Variants in REPS2 observed in about 807,000 individuals in gnomAD.
REPS2 encodes RALBP1 associated Eps domain containing 2, also known as ralBP1-associated Eps domain-containing protein 2.
REPS2 carries 23 observed loss-of-function variants against 53.6 expected under a neutral mutation model. The observed-to-expected ratio is 0.43, with a 90% CI of 0.31 to 0.61. The LOEUF is 0.61. Ranked by LOEUF, REPS2 falls within the 20% of genes least tolerant of loss-of-function variation. The probability of loss-of-function intolerance (pLI) is 0.11; values close to 1 mark genes in which losing one functional copy is unlikely to be tolerated. For synonymous variants in REPS2, 238 were observed against 218.6 expected (o/e 1.09, Z -0.78); for missense variants, 446 against 534.9 (o/e 0.83, Z 1.64).
chrX:17,142,019 T>C (rs2063453772), intron 17 of REPS2, among the ~76,000 whole-genome samples: 1 of 112,048 alleles, frequency 8.9e-6, no homozygotes, highest in African/African-American at 3.2e-5. Context: ...ATCAAGATGC[T>C]GATGCACAGG....
chrX:16,964,443 A>G (rs1326576225), intron 1 of REPS2, among the ~76,000 whole-genome samples: 1 of 108,116 alleles, frequency 9.2e-6, no homozygotes, highest in Non-Finnish European at 1.9e-5. Flanking sequence ...CCACACAGTC[A>G]CGGCAACCAT....
intron 5 of REPS2, among the ~76,000 whole-genome samples, chrX:17,031,895 T>C (rs765732080): frequency 6.2e-5 from 7 of 112,494 alleles, no homozygotes; most frequent in East Asian, 5.6e-4. Flanking sequence ...ATTAGTGTTG[T>C]TATCCCATTT....
the REPS2 span, among the ~76,000 whole-genome samples, chrX:17,187,618 C>T: frequency 8.9e-6 from 1 of 112,222 alleles, no homozygotes; most frequent in Non-Finnish European, 1.9e-5. Context: ...TGTCATTCTA[C>T]ATAGGATACG....
intron 1 of REPS2, among the ~76,000 whole-genome samples, chrX:16,976,853 A>G (rs757400927): frequency 3.0e-4 from 33 of 111,737 alleles, no homozygotes; most frequent in African/African-American, 1.0e-3. Context: ...CTAGGTGGTG[A>G]CCCACCTAGT....
At chrX:17,115,143 A>G (rs2148092371) in intron 14 of REPS2, among the ~76,000 whole-genome samples, 1 of 112,253 alleles carries the variant, frequency 8.9e-6, no homozygotes, top group African/African-American at 3.2e-5. Flanking sequence ...AGCGTTCAGC[A>G]TATGGAGGAT....
intron 8 of REPS2, among the ~76,000 whole-genome samples, chrX:17,059,577 C>T (rs957203234): frequency 1.9e-4 from 21 of 110,177 alleles, no homozygotes; most frequent in Admixed American, 4.8e-4. Flanking sequence ...AAGCAATTCT[C>T]CTGCCTCAGC....
At chrX:16,982,495 T>C (rs1225941905) in intron 1 of REPS2, among the ~76,000 whole-genome samples, 1 of 112,203 alleles carries the variant, frequency 8.9e-6, no homozygotes, top group Non-Finnish European at 1.9e-5. Flanking sequence ...TTTTTGTGCA[T>C]GTATTTGGTA....
intron 5 of REPS2, among the ~76,000 whole-genome samples, chrX:17,031,037 C>A (rs2061703199): frequency 8.9e-6 from 1 of 112,582 alleles, no homozygotes; most frequent in Non-Finnish European, 1.9e-5. Context: ...AGTTGGAAAA[C>A]ACATTTGTTT....
chrX:17,161,654 A>T, the REPS2 span, among the ~76,000 whole-genome samples: 1 of 110,289 alleles, frequency 9.1e-6, no homozygotes, highest in Non-Finnish European at 1.9e-5. Context: ...CAGAGGATTC[A>T]GTTGAGCCAT....
At chrX:16,954,952 C>T (rs1242992892) in intron 1 of REPS2, among the ~76,000 whole-genome samples, 1 of 107,801 alleles carries the variant, frequency 9.3e-6, no homozygotes, top group African/African-American at 3.4e-5. Context: ...GCTGGGACTA[C>T]AGGCGCCCAC....
intron 14 of REPS2, among the ~76,000 whole-genome samples, chrX:17,108,993 G>T (rs1287954225): frequency 2.8e-5 from 3 of 106,845 alleles, no homozygotes; most frequent in African/African-American, 1.0e-4. Context: ...AAACCCAAAT[G>T]CAGAGAAACA....
intron 1 of REPS2, among the ~76,000 whole-genome samples, chrX:16,995,418 G>A (rs1270271471): frequency 1.8e-5 from 2 of 112,046 alleles, no homozygotes; most frequent in African/African-American, 6.5e-5. Context: ...CAATCCAGAC[G>A]GTTTCTAGTT....
chrX:17,115,396 T>C (rs1009193553), intron 14 of REPS2, among the ~76,000 whole-genome samples: 1 of 112,517 alleles, frequency 8.9e-6, no homozygotes, highest in Non-Finnish European at 1.9e-5. Flanking sequence ...CCTCCAGCCC[T>C]AAGGCGGTTT....
chrX:16,999,784 C>T (rs1278302366), intron 1 of REPS2, among the ~76,000 whole-genome samples: 3 of 109,718 alleles, frequency 2.7e-5, no homozygotes, highest in Admixed American at 9.7e-5. Context: ...CGGTGGCTCA[C>T]GCCTGTAATC....
rs916153883 is a variant in REPS2 at position 17,108,573 on chromosome X, T to C, written c.1578+4794T>C. Among the ~76,000 whole-genome samples, 7 of 109,420 alleles carry C rather than the reference T, an allele frequency of 6.4e-5. No homozygotes were observed. In the East Asian group the frequency reaches 2.0e-3, roughly 31 times the overall value. On this transcript the variant is annotated intron_variant, in intron 14 of 17. Coordinates refer to ENST00000357277, the MANE Select transcript of REPS2 (RefSeq NM_004726.3). ...TGTTGATCTCATGACAGTTTTCTTA[T>C]GGCAATTGTGATAGAGCCACAGCTT...
intron 1 of REPS2, among the ~76,000 whole-genome samples, chrX:16,975,936 T>C (rs1485127025): frequency 1.8e-5 from 2 of 112,417 alleles, no homozygotes; most frequent in African/African-American, 6.5e-5. Flanking sequence ...AAGTTCACTA[T>C]AAAACTTACC....
intron 1 of REPS2, among the ~76,000 whole-genome samples, chrX:16,969,213 C>T (rs1423258238): frequency 1.8e-5 from 2 of 109,277 alleles, no homozygotes; most frequent in Admixed American, 1.9e-4. Context: ...GGGATGGCGG[C>T]CAGGCAGAGA....
At chrX:16,950,530 A>G (rs1432532982) in intron 1 of REPS2, among the ~76,000 whole-genome samples, 3 of 112,290 alleles carry the variant, frequency 2.7e-5, no homozygotes, top group Non-Finnish European at 1.9e-5. Flanking sequence ...TTCTTTACAG[A>G]GTATTTATTT....
At chrX:17,034,543 G>T (rs1261383713) in intron 5 of REPS2, among the ~76,000 whole-genome samples, 1 of 111,622 alleles carries the variant, frequency 9.0e-6, no homozygotes, top group Non-Finnish European at 1.9e-5. Flanking sequence ...TGATCTGCCC[G>T]CCTCGGACTC....
Sources: allele counts gnomAD v4.1 joint callset (sites outside exome capture counted in the v4.1 genomes callset), GRCh38; gene constraint gnomAD v4.1.1; transcripts MANE v1.5; gene names NCBI Gene and HGNC (gene_info 2026-07-23, HGNC 2026-07-21).